The following RIMS2 variants were observed in gnomAD, a reference collection of about 807,000 sequenced individuals.
The protein encoded by RIMS2 is regulating synaptic membrane exocytosis 2.
RIMS2 carries 59 observed loss-of-function variants against 174.4 expected under a neutral mutation model. That is an observed-to-expected ratio of 0.34 (90% CI 0.27 to 0.42). The LOEUF is 0.42. Ranked by LOEUF, RIMS2 falls within the 10% of genes least tolerant of loss-of-function variation. The pLI, the probability that RIMS2 is intolerant of heterozygous loss-of-function variation, is 1.00. For missense variants in RIMS2, 1,620 were observed against 1,666.3 expected (o/e 0.97, Z 0.48); for synonymous variants, 606 against 572.5 (o/e 1.06, Z -0.84).
At chr8:103,709,698 T>A (rs2097280520) in intron 2 of RIMS2, among the ~76,000 whole-genome samples, 1 of 152,164 alleles carries the variant, frequency 6.6e-6, no homozygotes, top group Non-Finnish European at 1.5e-5. Context: ...CCCATTCCCT[T>A]GAGTATTTTT....
In RIMS2 at chr8:104,248,685, G is replaced by A. The variant is rs756038539; in HGVS notation, c.3477-16G>A. 5.1e-6 allele frequency: 7 copies of A among 1,372,182 alleles called. No individual in the cohort carries two copies. In the Admixed American group the frequency reaches 1.2e-4, roughly 23 times the overall value. 85.0% of individuals were successfully genotyped at this position (1,372,182 alleles called of 1,614,324 possible). On this transcript the variant is annotated splice_polypyrimidine_tract_variant and intron_variant, in intron 20 of 23. Transcript: ENST00000504942. ...AGGGGTTGGGGATTTAATCTCATAT[G>A]TTATTTTGCTTTCAGTCTGATTTTC...
chr8:103,791,192 A>G (rs1271068906), intron 3 of RIMS2, among the ~76,000 whole-genome samples: 3 of 152,226 alleles, frequency 2.0e-5, no homozygotes, highest in African/African-American at 7.2e-5. Flanking sequence ...TTACCCACAA[A>G]GGGAGGCCCA....
In RIMS2 at chr8:103,942,740, A is replaced by G. The variant is rs369199993; in HGVS notation, c.2548-33A>G. The G allele has an allele frequency of 1.4e-5, 22 of 1,521,546 alleles. No homozygotes were observed. In the Middle Eastern group the frequency reaches 5.1e-4, roughly 35 times the overall value. 94.3% of individuals were successfully genotyped at this position (1,521,546 alleles called of 1,614,324 possible). On this transcript the variant is annotated intron_variant, in intron 13 of 23. Coordinates refer to ENST00000504942, the Ensembl canonical transcript of RIMS2. ...AACATAATTTCTTTATTATTGGTAT[A>G]TTATAACCGTCCTTTGTCTCTTGGG...
intron 19 of RIMS2, among the ~76,000 whole-genome samples, chr8:104,160,022 C>T (rs1277580069): frequency 6.6e-6 from 1 of 151,902 alleles, no homozygotes; most frequent in Non-Finnish European, 1.5e-5. Flanking sequence ...ACCTGTAATC[C>T]CAGCTACTTG....
intron 4 of RIMS2, among the ~76,000 whole-genome samples, chr8:103,897,632 T>A (rs1011457732): frequency 6.6e-6 from 1 of 151,638 alleles, no homozygotes; most frequent in African/African-American, 2.4e-5. Context: ...TGAGGGGCAC[T>A]TCTAGCTGTT....
chr8:103,934,151 T>A (rs555709102), intron 12 of RIMS2, among the ~76,000 whole-genome samples: 117 of 152,254 alleles, frequency 7.7e-4, no homozygotes, highest in African/African-American at 2.6e-3. Context: ...GTTACTAAAT[T>A]ACATTTAATG....
chr8:104,136,649 G>A (rs2098522939), intron 19 of RIMS2, among the ~76,000 whole-genome samples: 1 of 152,114 alleles, frequency 6.6e-6, no homozygotes, highest in African/African-American at 2.4e-5. Context: ...CCTTTGCAGG[G>A]ACATGGATAG....
At chr8:103,711,865 C>T (rs778380421) in intron 2 of RIMS2, among the ~76,000 whole-genome samples, 2 of 151,708 alleles carry the variant, frequency 1.3e-5, no homozygotes, top group Non-Finnish European at 2.9e-5. Flanking sequence ...CACTGCACTC[C>T]AGCCTAAGCA....
At chr8:104,014,232 G>A (rs975142243) in intron 18 of RIMS2, among the ~76,000 whole-genome samples, 1 of 152,104 alleles carries the variant, frequency 6.6e-6, no homozygotes, top group Admixed American at 6.6e-5. Flanking sequence ...TGCTTTCAAT[G>A]GATAGAGTAC....
intron 17 of RIMS2, among the ~76,000 whole-genome samples, chr8:103,993,555 A>T (rs1355034020): frequency 6.6e-6 from 1 of 152,234 alleles, no homozygotes; most frequent in Non-Finnish European, 1.5e-5. Context: ...CTATGAAGGA[A>T]ACATATCTCT....
chr8:104,243,512 C>T (rs929091099), intron 19 of RIMS2, among the ~76,000 whole-genome samples: 1 of 152,072 alleles, frequency 6.6e-6, no homozygotes, highest in Admixed American at 6.5e-5. Context: ...TAGCGAAACC[C>T]CATCTCTACT....
At chr8:103,789,871 G>T (rs374018016) in intron 3 of RIMS2, among the ~76,000 whole-genome samples, 2 of 149,428 alleles carry the variant, frequency 1.3e-5, no homozygotes, top group East Asian at 2.0e-4. Flanking sequence ...TTCCTCCTCA[G>T]CGTCCCAAAT....
chr8:104,102,137 G>A (rs2097914566), intron 19 of RIMS2, among the ~76,000 whole-genome samples: 1 of 152,048 alleles, frequency 6.6e-6, no homozygotes, highest in Non-Finnish European at 1.5e-5. Context: ...CTAATTATCT[G>A]CCAGATCTGT....
rs951947362 is a variant in RIMS2 at position 103,751,533 on chromosome 8, CAATGG to C, written c.388-14693_388-14689del. 8.6e-4 allele frequency among the ~76,000 whole-genome samples: 131 copies of C among 151,812 alleles called. 1 individual carries two copies. The highest frequency in any genetic ancestry group is 3.1e-3 in the African/African-American group (128 of 41,338). Reference sequence around the variant, plus strand: ...TGAGGAATCACCACACTGACTTCTACAATGGTTGAACTAGTTTACAGTCCCACCAA... The same window carrying C: ...TGAGGAATCACCACACTGACTTCTACTTGAACTAGTTTACAGTCCCACCAA... On this transcript the variant is annotated intron_variant, in intron 2 of 23. Coordinates refer to ENST00000504942, the Ensembl canonical transcript of RIMS2.
intron 14 of RIMS2, among the ~76,000 whole-genome samples, chr8:103,952,275 C>T (rs1474757110): frequency 6.6e-6 from 1 of 152,218 alleles, no homozygotes; most frequent in Non-Finnish European, 1.5e-5. Context: ...GACAGACTGC[C>T]TCCTCAAGTG....
rs191343628 is a variant in RIMS2 at position 103,538,897 on chromosome 8, T to C, written c.176+37835T>C. On this transcript the variant is annotated intron_variant, in intron 1 of 23. Transcript: ENST00000504942. The stretch of plus-strand genomic sequence containing the variant: ...CATACCATGTTTGGTTTTCCATTCC[T>C]GAGTTACTTCACTTAGAATAATAGT... Among the ~76,000 whole-genome samples, 3 of 152,384 alleles carry C rather than the reference T, an allele frequency of 2.0e-5. No individual in the cohort carries two copies. In the East Asian group the frequency reaches 5.8e-4, roughly 29 times the overall value.
intron 16 of RIMS2, among the ~76,000 whole-genome samples, chr8:103,986,552 A>G (rs976903210): frequency 6.6e-6 from 1 of 152,206 alleles, no homozygotes; most frequent in Non-Finnish European, 1.5e-5. Flanking sequence ...AGCAACCATT[A>G]TGAAATTATG....
At chr8:103,543,170 G>C (rs1387575918) in intron 1 of RIMS2, among the ~76,000 whole-genome samples, 1 of 152,058 alleles carries the variant, frequency 6.6e-6, no homozygotes, top group Non-Finnish European at 1.5e-5. Context: ...AATTCACTAA[G>C]GTTGCAGGAT....
At chr8:103,826,864 T>C (rs1298068286) in intron 3 of RIMS2, among the ~76,000 whole-genome samples, 4 of 151,806 alleles carry the variant, frequency 2.6e-5, no homozygotes, top group African/African-American at 9.7e-5. Context: ...TTTTTTTGTC[T>C]TGCTATATTG....
Sources: allele counts gnomAD v4.1 joint callset (sites outside exome capture counted in the v4.1 genomes callset), GRCh38; gene constraint gnomAD v4.1.1; transcripts MANE v1.5; gene names NCBI Gene and HGNC (gene_info 2026-07-23, HGNC 2026-07-21).